Variants in ZFP14 observed in about 807,000 individuals in gnomAD.
ZFP14 encodes the protein ZFP14 zinc finger protein, also known as zinc finger protein 14 homolog.
In ZFP14, 22 loss-of-function variants were observed where a neutral mutation model predicts 54.5. The ratio of observed to expected loss-of-function variants is 0.40; its 90% CI spans 0.29 to 0.58. The LOEUF is 0.58. Among genes scored for constraint, ZFP14 ranks in the 20% least tolerant of loss-of-function variants. ZFP14 has a pLI of 0.39. For synonymous variants in ZFP14, 159 were observed against 204.0 expected (o/e 0.78, Z 1.88); for missense variants, 470 against 637.8 (o/e 0.74, Z 2.83).
rs537542999 is a variant in ZFP14 at position 36,342,285 on chromosome 19, A to G, written c.236-695T>C. 4.7e-5 allele frequency among the ~76,000 whole-genome samples: 7 copies of G among 147,856 alleles called. No individual in the cohort carries two copies. The East Asian group carries it at 1.0e-3, about 21-fold the overall frequency. On this transcript the variant is annotated intron_variant, in intron 4 of 4. Coordinates refer to ENST00000270001, the MANE Select transcript of ZFP14 (RefSeq NM_020917.3). ...AACCTCTGCCTCCTGGGTTCAAGCA[A>G]TTCTCCTGCCTCAGCCCTCCTAGTA...
At chr19:36,363,189 C>CTTTTCTTTTTTTTTTTTT (rs1555755935) in intron 2 of ZFP14, among the ~76,000 whole-genome samples, 9 of 97,750 alleles carry the variant, frequency 9.2e-5, no homozygotes, top group Non-Finnish European at 1.6e-4. Context: ...CTTTTCTTTT[C>CTTTTCTTTTTTTTTTTTT]TTTTTTTTTT....
rs1286240825 is a variant in ZFP14, at chr19:36,349,836, C to A, written c.236-8246G>T. Among the ~76,000 whole-genome samples, 2 of 150,232 alleles carry A rather than the reference C, an allele frequency of 1.3e-5. 1 individual carries two copies. Among genetic ancestry groups the A allele is most frequent in the Non-Finnish European group, 3.0e-5 (2 of 67,656 alleles). ...AGAGACATGGATTTGAAGAAGATTT[C>A]AAGGTTGAAAGGAATAAAAAAGAAC... On this transcript the variant is annotated intron_variant, in intron 4 of 4. Coordinates refer to ENST00000270001, the MANE Select transcript of ZFP14 (RefSeq NM_020917.3).
chr19:36,344,098 G>T (rs1213210426), intron 4 of ZFP14, among the ~76,000 whole-genome samples: 1 of 152,148 alleles, frequency 6.6e-6, no homozygotes, highest in Non-Finnish European at 1.5e-5. Flanking sequence ...TGCCTCCTGG[G>T]TTCAAGTAAT....
chr19:36,347,472 T>C (rs192588164), intron 4 of ZFP14, among the ~76,000 whole-genome samples: 237 of 151,694 alleles, frequency 1.6e-3, no homozygotes, highest in African/African-American at 5.1e-3. Flanking sequence ...TAGCCAGGTG[T>C]GCTGGAAGGC....
At chr19:36,349,251 A>AC (rs2145545829) in intron 4 of ZFP14, among the ~76,000 whole-genome samples, 1 of 69,956 alleles carries the variant, frequency 1.4e-5, no homozygotes, top group Admixed American at 1.4e-4. Flanking sequence ...AACAAAAAAA[A>AC]AAAAACAAAA....
intron 4 of ZFP14, among the ~76,000 whole-genome samples, chr19:36,347,119 T>C (rs2031430294): frequency 6.6e-6 from 1 of 152,178 alleles, no homozygotes; most frequent in African/African-American, 2.4e-5. Context: ...ATCAAATCCT[T>C]TGTCTTTGAC....
chr19:36,360,848 C>T lies in ZFP14; in HGVS notation c.137-315G>A, dbSNP rs141546641. ...GTAGAGGGAAGAACACAGACTGGAT[C>T]CAGACTGCCTGGCTTCACATCCTGC... On this transcript the variant is annotated intron_variant, in intron 3 of 4. Coordinates refer to ENST00000270001, the MANE Select transcript of ZFP14 (RefSeq NM_020917.3). Among the ~76,000 whole-genome samples the T allele has an allele frequency of 4.1e-4, 62 of 152,276 alleles. No individual in the cohort carries two copies. The East Asian group carries it at 0.011, about 28-fold the overall frequency.
At chr19:36,368,972 T>TACAG (rs2145561589) in intron 1 of ZFP14, among the ~76,000 whole-genome samples, 1 of 151,478 alleles carries the variant, frequency 6.6e-6, no homozygotes, top group South Asian at 2.1e-4. Context: ...GCCTCCTGAG[T>TACAG]ACAGGTACAT....
chr19:36,345,282 G>C (rs754698401), intron 4 of ZFP14, among the ~76,000 whole-genome samples: 3 of 152,234 alleles, frequency 2.0e-5, no homozygotes, highest in Admixed American at 1.3e-4. Context: ...CAAAACTTTT[G>C]TTCCTTCATA....
At position 36,341,723 on chromosome 19, in the gene ZFP14, A is replaced by C; in HGVS notation, c.236-133T>G. Reference sequence around the variant, plus strand: ...CTGTTACAAATTGAATGGATTAGACAGATCTCAAACATAGACATTTCTGCC... The same window carrying C: ...CTGTTACAAATTGAATGGATTAGACCGATCTCAAACATAGACATTTCTGCC... On this transcript the variant is annotated intron_variant, in intron 4 of 4. Coordinates refer to ENST00000270001, the MANE Select transcript of ZFP14 (RefSeq NM_020917.3). The surrounding 1 kb of genome is among the most constrained non-coding windows in gnomAD (Gnocchi z 4.2). The C allele has an allele frequency of 1.3e-6, 1 of 796,254 alleles. No individual in the cohort carries two copies. Among genetic ancestry groups the C allele is most frequent in the Non-Finnish European group, 1.8e-6 (1 of 545,480 alleles). 49.3% of individuals were successfully genotyped at this position (796,254 alleles called of 1,614,324 possible).
At chr19:36,357,828 C>T (rs1023514953) in intron 4 of ZFP14, among the ~76,000 whole-genome samples, 4 of 151,116 alleles carry the variant, frequency 2.6e-5, no homozygotes, top group South Asian at 4.2e-4. Flanking sequence ...CTGCAACCTC[C>T]GCTTCCCAGG....
intron 4 of ZFP14, among the ~76,000 whole-genome samples, chr19:36,349,674 A>C (rs1012087105): frequency 3.6e-5 from 3 of 83,796 alleles, no homozygotes; most frequent in African/African-American, 8.8e-5. Flanking sequence ...CTCAAAACAA[A>C]AAAAAAATAT....
chr19:36,364,952 T>TCCTC (rs2031768144), intron 2 of ZFP14, among the ~76,000 whole-genome samples: 1 of 150,552 alleles, frequency 6.6e-6, no homozygotes, highest in Non-Finnish European at 1.5e-5. Context: ...TTTCCTTCCT[T>TCCTC]CCTCCTTCTT....
intron 3 of ZFP14, 38 bp from the exon 4 acceptor site, chr19:36,360,571 A>T: frequency 2.6e-6 from 4 of 1,565,440 alleles, no homozygotes; most frequent in Non-Finnish European, 3.5e-6. Flanking sequence ...ATTATACACC[A>T]GAAAATCTTT....
chr19:36,352,288 A>C (rs1212974725), intron 4 of ZFP14, among the ~76,000 whole-genome samples: 1 of 143,474 alleles, frequency 7.0e-6, no homozygotes, highest in Admixed American at 7.1e-5. Context: ...GTTATTGTCT[A>C]AGGCAACCAC....
intron 2 of ZFP14, among the ~76,000 whole-genome samples, chr19:36,365,877 C>A (rs2031785974): frequency 6.6e-6 from 1 of 151,412 alleles, no homozygotes; most frequent in African/African-American, 2.4e-5. Flanking sequence ...GGAGGATCAC[C>A]TGAGCCTGGG....
In ZFP14 at chr19:36,353,649, G is replaced by C. The variant is rs575069294; in HGVS notation, c.235+6786C>G. Among the ~76,000 whole-genome samples, 2 of 124,304 alleles carry C rather than the reference G, an allele frequency of 1.6e-5. 1 individual carries two copies. The highest frequency in any genetic ancestry group is 3.4e-5 in the Non-Finnish European group (2 of 59,608). 81.5% of individuals were successfully genotyped at this position (124,304 alleles called of 152,430 possible). The stretch of plus-strand genomic sequence containing the variant: ...GGAGGCGGAGGTTGCAGTGAGCCGA[G>C]ATTGCGCCACTACACTCCAGTCTGG... On this transcript the variant is annotated intron_variant, in intron 4 of 4. Transcript: ENST00000270001.
intron 4 of ZFP14, among the ~76,000 whole-genome samples, chr19:36,346,755 C>T (rs1038914494): frequency 2.0e-5 from 3 of 152,200 alleles, no homozygotes; most frequent in African/African-American, 7.2e-5. Context: ...TGCGCCCAGC[C>T]GCTCTCACAT....
At chr19:36,370,075 C>T (rs1398020036) in intron 1 of ZFP14, among the ~76,000 whole-genome samples, 2 of 152,156 alleles carry the variant, frequency 1.3e-5, no homozygotes, top group Non-Finnish European at 2.9e-5. Flanking sequence ...CCTGCAGAAA[C>T]ATCAGTTTGA....
Sources: allele counts gnomAD v4.1 joint callset (sites outside exome capture counted in the v4.1 genomes callset), GRCh38; gene constraint gnomAD v4.1.1; non-coding constraint Gnocchi (gnomAD v3.1); transcripts MANE v1.5; gene names NCBI Gene and HGNC (gene_info 2026-07-23, HGNC 2026-07-21).